XG: variants seen among roughly 807,000 people sequenced by gnomAD.
The protein encoded by XG is glycoprotein Xg.
In XG, 24 loss-of-function variants were observed where a neutral mutation model predicts 25.7. That is an observed-to-expected ratio of 0.93 (90% CI 0.68 to 1.31). The LOEUF (loss-of-function observed/expected upper bound fraction) is 1.31, where lower values mean the gene tolerates loss of function less well. Ranked by LOEUF, XG falls within the 40% of genes most tolerant of loss-of-function variation. The pLI is 0.00. For synonymous variants in XG, 77 were observed against 69.2 expected (o/e 1.11, Z -0.56); for missense variants, 181 against 187.6 (o/e 0.96, Z 0.21).
intron 1 of XG, among the ~76,000 whole-genome samples, chrX:2,768,625 G>A (rs2050750326): frequency 6.6e-6 from 1 of 152,156 alleles, no homozygotes; most frequent in Non-Finnish European, 1.5e-5. Context: ...AAAGTTAGCT[G>A]GGCGTGATGG....
chrX:2,776,029 C>G (rs1222660986), intron 3 of XG, among the ~76,000 whole-genome samples: 2 of 151,636 alleles, frequency 1.3e-5, no homozygotes, highest in African/African-American at 4.9e-5. Flanking sequence ...GTGGCTCACG[C>G]CTGTAATCCC....
At chrX:2,801,483 C>T (rs1158070883) in intron 7 of XG, among the ~76,000 whole-genome samples, 1 of 111,090 alleles carries the variant, frequency 9.0e-6, no homozygotes, top group African/African-American at 3.3e-5. Context: ...ATGACTTCTA[C>T]ATAGTGCGTG....
chrX:2,805,625 C>T (rs6642024), intron 7 of XG, among the ~76,000 whole-genome samples: 54,848 of 106,522 alleles, frequency 0.51, 13,212 homozygotes, highest in Non-Finnish European at 0.72. Context: ...GGTCCAAGAT[C>T]AAGGTGTGAG....
rs193137352 is a variant in XG, at chrX:2,787,367, A to G, written c.191-2277A>G. On this transcript the variant is annotated intron_variant, in intron 4 of 10. Coordinates refer to ENST00000644266, the MANE Select transcript of XG (RefSeq NM_001141919.2). The stretch of plus-strand genomic sequence containing the variant: ...GCCTCAGGAGTAAGCCCAGGAATCA[A>G]TGCAGTTGGAGGTTCTGTGTGTGAA... 4.2e-3 allele frequency among the ~76,000 whole-genome samples: 474 copies of G among 111,591 alleles called. 3 individuals are homozygous for G. The highest frequency in any genetic ancestry group is 0.015 in the African/African-American group (448 of 30,766).
rs1261941013 is a variant in XG at position 2,774,744 on chromosome X, G to A, written c.127+5G>A. 3 of 1,613,858 alleles carry A rather than the reference G, an allele frequency of 1.9e-6. No homozygotes were observed. Among genetic ancestry groups the A allele is most frequent in the African/African-American group, 1.3e-5 (1 of 75,012 alleles). On this transcript the variant is annotated splice_donor_5th_base_variant and intron_variant, in intron 3 of 10. Transcript: ENST00000644266. Reference sequence around the variant, plus strand: ...CCACCAAGAAGCCAAACTCAGGTGAGTGTCTCTTCAGCTGGGAAAAACTGA... The same window carrying A: ...CCACCAAGAAGCCAAACTCAGGTGAATGTCTCTTCAGCTGGGAAAAACTGA...
chrX:2,766,882 A>C (rs1200100502), intron 1 of XG, among the ~76,000 whole-genome samples: 1 of 152,036 alleles, frequency 6.6e-6, no homozygotes, highest in East Asian at 1.9e-4. Context: ...CTCTTTATAC[A>C]GATAGGATAG....
At chrX:2,770,738 C>T (rs1030045598) in intron 2 of XG, 147 bp downstream of exon 2, 5 of 894,430 alleles carry the variant, frequency 5.6e-6, no homozygotes, top group South Asian at 1.5e-5. Flanking sequence ...ATTGCAGACA[C>T]CTTGAGACAA....
At chrX:2,782,279 C>G (rs1255197416) in intron 4 of XG, 151 bp downstream of exon 4, 1 of 617,100 alleles carries the variant, frequency 1.6e-6, no homozygotes, top group Non-Finnish European at 2.6e-6. Flanking sequence ...CTGGGGGGAG[C>G]AAGAAAGTCC....
At chrX:2,773,502 A>AAG (rs2050880449) in intron 2 of XG, among the ~76,000 whole-genome samples, 2 of 126,478 alleles carry the variant, frequency 1.6e-5, no homozygotes, top group African/African-American at 6.1e-5. Flanking sequence ...AAGGAAGGAG[A>AAG]GAAGGAAGGA....
rs1219282861 is a variant in XG at position 2,765,041 on chromosome X, CAAAAAAAAA to C, written c.62-5493_62-5485del. 9.6e-3 allele frequency among the ~76,000 whole-genome samples: 352 copies of C among 36,626 alleles called. 8 individuals carry two copies. The South Asian group carries it at 0.14, about 15-fold the overall frequency. 24.0% of individuals were successfully genotyped at this position (36,626 alleles called of 152,430 possible). ...GGGCAACATAGTGAGATTCTTTATC[CAAAAAAAAA>C]AAAAAAAAAAAAAAAGGCTAGGCAC... On this transcript the variant is annotated intron_variant, in intron 1 of 10. Coordinates refer to ENST00000644266, the MANE Select transcript of XG (RefSeq NM_001141919.2).
chrX:2,782,946 C>T (rs1375302091), intron 4 of XG, among the ~76,000 whole-genome samples: 1 of 111,575 alleles, frequency 9.0e-6, no homozygotes, highest in African/African-American at 3.3e-5. Flanking sequence ...TGAATTCGTT[C>T]CCAAGGCTAG....
chrX:2,773,793 A>G (rs867719767), intron 2 of XG, among the ~76,000 whole-genome samples: 16 of 101,676 alleles, frequency 1.6e-4, no homozygotes, highest in African/African-American at 5.6e-4. Context: ...GAAGGAGAGA[A>G]GGAAGGAAGG....
rs768407907 is a variant in XG at position 2,756,139 on chromosome X, G to A, written c.61+3804G>A. ...ATACAAAAGAAGATAATAGCAAGACGGCCATATTCCTAATAGAGGTTGACA... is the reference window on the plus strand; with the variant it reads ...ATACAAAAGAAGATAATAGCAAGACAGCCATATTCCTAATAGAGGTTGACA... On this transcript the variant is annotated intron_variant, in intron 1 of 10. Coordinates refer to ENST00000644266, the MANE Select transcript of XG (RefSeq NM_001141919.2). Among the ~76,000 whole-genome samples the A allele has an allele frequency of 2.6e-5, 4 of 152,230 alleles. No homozygotes were observed. The South Asian group carries it at 8.3e-4, about 32-fold the overall frequency.
chrX:2,810,298 G>T (rs1484176499), intron 9 of XG, among the ~76,000 whole-genome samples: 1 of 111,440 alleles, frequency 9.0e-6, no homozygotes, highest in African/African-American at 3.3e-5. Context: ...TGGAAGTGTT[G>T]ATTTTTGTCA....
intron 1 of XG, among the ~76,000 whole-genome samples, chrX:2,760,582 A>C (rs761941841): frequency 0.011 from 1,667 of 149,514 alleles, 11 homozygotes; most frequent in Non-Finnish European, 0.017. Flanking sequence ...AAAAATACAA[A>C]AAAAAAAAAA....
At chrX:2,752,963 A>G in intron 1 of XG, 1 of 985,426 alleles carries the variant, frequency 1.0e-6, no homozygotes, top group Non-Finnish European at 1.2e-6. Context: ...AAGAAACTCC[A>G]ATGAACTCAT....
chrX:2,811,257 G>T, intron 9 of XG, 79 bp from the exon 10 acceptor site: 1 of 803,600 alleles, frequency 1.2e-6, no homozygotes, highest in South Asian at 2.6e-5. Context: ...ATAACTTTTG[G>T]ACCAACCTAA....
intron 4 of XG, among the ~76,000 whole-genome samples, chrX:2,788,083 CAA>C (rs1232719721): frequency 8.6e-5 from 9 of 104,331 alleles, no homozygotes; most frequent in East Asian, 3.0e-4. Context: ...CACCCTGTCT[CAA>C]GAGAGAGAGA....
intron 7 of XG, among the ~76,000 whole-genome samples, chrX:2,799,549 T>C (rs2086916224): frequency 9.0e-6 from 1 of 111,472 alleles, no homozygotes; most frequent in East Asian, 2.8e-4. Flanking sequence ...GGAATCTGCA[T>C]GTTGCATAAG....
Sources: allele counts gnomAD v4.1 joint callset (sites outside exome capture counted in the v4.1 genomes callset), GRCh38; gene constraint gnomAD v4.1.1; transcripts MANE v1.5; gene names NCBI Gene and HGNC (gene_info 2026-07-23, HGNC 2026-07-21).